AMZ1: variants seen among roughly 807,000 people sequenced by gnomAD.
AMZ1 encodes archaemetzincin-1.
In AMZ1, 39 loss-of-function variants were observed where a neutral mutation model predicts 29.9. The observed-to-expected ratio is 1.30, with a 90% CI of 1.01 to 1.70. The LOEUF is 1.70. Among genes scored for constraint, AMZ1 ranks in the 40% most tolerant of loss-of-function variants. AMZ1 has a pLI of 0.00. For synonymous variants in AMZ1, 458 were observed against 304.0 expected (o/e 1.51, Z -5.27); for missense variants, 1,041 against 680.6 (o/e 1.53, Z -5.89).
At position 2,709,803 on chromosome 7, in the gene AMZ1, T is replaced by G; in HGVS notation, c.935T>G (p.Ile312Ser). 1 of 1,612,012 alleles carries G rather than the reference T, an allele frequency of 6.2e-7. No individual in the cohort carries two copies. Among genetic ancestry groups the G allele is most frequent in the South Asian group, 1.1e-5 (1 of 91,002 alleles). ...KLQHVLGFRL[I>S]ERYQRLYTWT... is the part of the protein sequence containing the mutation. ...CAGCATGTCCTGGGTTTCAGGCTCA[T>G]CGAGAGGTACCAGGTGAGTGGCTGA... is the stretch of plus-strand genomic sequence containing the variant. Residue 312 changes from isoleucine to serine, a missense_variant, in exon 6 of 7, where the codon ATC (isoleucine) becomes AGC (serine). Coordinates refer to ENST00000683327, the MANE Select transcript of AMZ1 (RefSeq NM_001384743.1).
chr7:2,686,807 C>T (rs868285990), upstream of AMZ1, among the ~76,000 whole-genome samples: 22 of 151,754 alleles, frequency 1.4e-4, no homozygotes, highest in Non-Finnish European at 2.4e-4. Context: ...CTCCGCCTCC[C>T]GGGTTCAAGT....
chr7:2,702,901 C>G lies in AMZ1; in HGVS notation c.472+12C>G. 6.4e-7 allele frequency: 1 copy of G among 1,569,484 alleles called. No homozygotes were observed. On this transcript the variant is annotated intron_variant, in intron 3 of 6. Coordinates refer to ENST00000683327, the MANE Select transcript of AMZ1 (RefSeq NM_001384743.1). ...CCAGCTCCACACAGGTGAGTGAGGA[C>G]GGCAGCCGCCGCTCAGGCCAAGGCA...
At chr7:2,687,861 C>T (rs1787144268), upstream of AMZ1, among the ~76,000 whole-genome samples, 1 of 152,014 alleles carries the variant, frequency 6.6e-6, no homozygotes, top group Non-Finnish European at 1.5e-5. Flanking sequence ...TGGTTCACCC[C>T]TCTCACCTGG....
At chr7:2,750,155 A>G (rs1168785494) in intron 4 of AMZ1, among the ~76,000 whole-genome samples, 1 of 152,208 alleles carries the variant, frequency 6.6e-6, no homozygotes, top group African/African-American at 2.4e-5. Flanking sequence ...CCGGTCTGAC[A>G]TGTAAAGGGC....
chr7:2,726,065 T>C (rs1357454575), intron 4 of AMZ1, among the ~76,000 whole-genome samples: 2 of 152,202 alleles, frequency 1.3e-5, no homozygotes, highest in Non-Finnish European at 2.9e-5. Context: ...GCCTGTCCTC[T>C]TCAAAGCAAA....
At chr7:2,755,343 G>T (rs958958223) in intron 4 of AMZ1, among the ~76,000 whole-genome samples, 8 of 152,236 alleles carry the variant, frequency 5.3e-5, no homozygotes, top group African/African-American at 1.9e-4. Context: ...GTATCAATCA[G>T]GGGAGAACAG....
chr7:2,726,434 G>C (rs1221022837), intron 4 of AMZ1, among the ~76,000 whole-genome samples: 1 of 152,194 alleles, frequency 6.6e-6, no homozygotes, highest in Non-Finnish European at 1.5e-5. Flanking sequence ...ACCTGTATGA[G>C]TTGGTGTCTC....
At position 2,719,150 on chromosome 7, in the gene AMZ1, C is replaced by G. The variant is rs1008042847; in HGVS notation, c.*6272C>G. Among the ~76,000 whole-genome samples, 1 of 152,106 alleles carries G rather than the reference C, an allele frequency of 6.6e-6. No individual in the cohort carries two copies. Among genetic ancestry groups the G allele is most frequent in the Non-Finnish European group, 1.5e-5 (1 of 68,022 alleles). On this transcript the variant is annotated 3_prime_UTR_variant, in exon 7 of 7. Coordinates refer to ENST00000683327, the MANE Select transcript of AMZ1 (RefSeq NM_001384743.1). The stretch of plus-strand genomic sequence containing the variant: ...AGGCCTTTACTGGATGGGCAGGATG[C>G]GGGCAGCAGCTTTGTCGGCTGCCAA...
intron 4 of AMZ1, among the ~76,000 whole-genome samples, chr7:2,743,823 CT>C (rs1270785606): frequency 6.6e-6 from 1 of 152,098 alleles, no homozygotes; most frequent in East Asian, 1.9e-4. Flanking sequence ...CACTCCCACC[CT>C]AACACTGCAC....
rs943236171 is a variant in AMZ1, at chr7:2,745,785, CAG to C, written n.551-18923_551-18922del. Among the ~76,000 whole-genome samples the C allele has an allele frequency of 2.8e-4, 42 of 152,222 alleles. 1 individual carries two copies. The highest frequency in any genetic ancestry group is 9.9e-4 in the African/African-American group (41 of 41,522). On this transcript the variant is annotated intron_variant and non_coding_transcript_variant, in intron 4 of 4. Transcript: ENST00000489665. Reference sequence around the variant, plus strand: ...GTATTCAGGAAACCCATCTCACGTGCAGAGACACACATAGGCTCAAAATAAAG... The same window carrying C: ...GTATTCAGGAAACCCATCTCACGTGCAGACACACATAGGCTCAAAATAAAG...
At chr7:2,752,967 C>A (rs1001368623) in intron 4 of AMZ1, among the ~76,000 whole-genome samples, 6 of 152,160 alleles carry the variant, frequency 3.9e-5, no homozygotes, top group African/African-American at 1.2e-4. Context: ...AACTGTCCCA[C>A]CACAACGGTC....
At chr7:2,757,012 T>C (rs1583245239) in intron 4 of AMZ1, among the ~76,000 whole-genome samples, 2 of 151,982 alleles carry the variant, frequency 1.3e-5, no homozygotes, top group Non-Finnish European at 2.9e-5. Flanking sequence ...AGTTCGAGGC[T>C]GCAGTGAACC....
At chr7:2,680,995 C>T (rs1460241187) in intron 1 of AMZ1, among the ~76,000 whole-genome samples, 6 of 152,238 alleles carry the variant, frequency 3.9e-5, no homozygotes, top group South Asian at 2.1e-4. Context: ...CCGGGCAGGG[C>T]GGCCTCCAGG....
At chr7:2,708,883 G>A (rs1788549906) in intron 4 of AMZ1, among the ~76,000 whole-genome samples, 167 bp downstream of exon 4, 1 of 152,344 alleles carries the variant, frequency 6.6e-6, no homozygotes. Context: ...CTGAGGAATG[G>A]CATAGGGGCT....
At chr7:2,708,547 C>G in intron 3 of AMZ1, 41 bp from the exon 4 acceptor site, 1 of 1,607,374 alleles carries the variant, frequency 6.2e-7, no homozygotes, top group Non-Finnish European at 8.5e-7. Context: ...TGGGGGTCCC[C>G]GGCTGCCTCC....
chr7:2,733,299 A>T, intron 4 of AMZ1: 1 of 672,354 alleles, frequency 1.5e-6, no homozygotes, highest in South Asian at 1.7e-5. Flanking sequence ...TCCAAGTGAG[A>T]GCGTGCCATT....
chr7:2,693,798 G>T (rs1032300833), intron 1 of AMZ1, among the ~76,000 whole-genome samples: 9 of 152,160 alleles, frequency 5.9e-5, no homozygotes, highest in Non-Finnish European at 1.2e-4. Context: ...CTCCTGATCC[G>T]CTCGCCTCGG....
chr7:2,746,607 A>G (rs1428062977), intron 4 of AMZ1, among the ~76,000 whole-genome samples: 7 of 152,220 alleles, frequency 4.6e-5, no homozygotes, highest in Admixed American at 6.5e-5. Context: ...CAACTAAAAG[A>G]ACTAGAAAAG....
At chr7:2,737,289 G>GTTTTTTTTTTTTTTTTTTTTTTTT (rs11389467) in intron 4 of AMZ1, among the ~76,000 whole-genome samples, 1 of 62,276 alleles carries the variant, frequency 1.6e-5, no homozygotes, top group Non-Finnish European at 3.2e-5. Context: ...TTTTTTTTTT[G>GTTTTTTTTTTTTTTTTTTTTTTTT]TTTTTTTTTT....
Sources: allele counts gnomAD v4.1 joint callset (sites outside exome capture counted in the v4.1 genomes callset), GRCh38; gene constraint gnomAD v4.1.1; transcripts MANE v1.5; gene names NCBI Gene and HGNC (gene_info 2026-07-23, HGNC 2026-07-21).